The following SND1 variants were observed in gnomAD, a reference collection of about 807,000 sequenced individuals.
The protein encoded by SND1 is staphylococcal nuclease domain-containing protein 1.
In SND1, 38 loss-of-function variants were observed where a neutral mutation model predicts 121.7. The observed-to-expected ratio is 0.31, with a 90% CI of 0.24 to 0.41. The LOEUF is 0.41. Among genes scored for constraint, SND1 ranks in the 10% least tolerant of loss-of-function variants. The pLI, the probability that SND1 is intolerant of heterozygous loss-of-function variation, is 1.00. For missense variants in SND1, 868 were observed against 1,184.6 expected (o/e 0.73, Z 3.92); for synonymous variants, 401 against 447.4 (o/e 0.90, Z 1.31).
intron 16 of SND1, among the ~76,000 whole-genome samples, chr7:128,020,634 A>G (rs1157775990): frequency 1.3e-5 from 2 of 152,222 alleles, no homozygotes; most frequent in Admixed American, 6.5e-5. Flanking sequence ...TGTCATCCCC[A>G]GGTCGGCCAG....
chr7:127,863,843 A>T (rs1304647488), intron 12 of SND1, among the ~76,000 whole-genome samples: 2 of 152,244 alleles, frequency 1.3e-5, no homozygotes, highest in African/African-American at 4.8e-5. Flanking sequence ...ATGTGCAAGC[A>T]AATGGGTGTG....
Position 127,670,438 on chromosome 7 carries a change from A to G in SND1, c.79-16175A>G, listed in dbSNP as rs149145756. On this transcript the variant is annotated intron_variant, in intron 1 of 23. Coordinates refer to ENST00000354725, the MANE Select transcript of SND1 (RefSeq NM_014390.4). ...TGGTTCTCAGGCATTGTTTTTGATAATACGATTCTTTTTTGAAAATAAAGA... is the reference window on the plus strand; with the variant it reads ...TGGTTCTCAGGCATTGTTTTTGATAGTACGATTCTTTTTTGAAAATAAAGA... Among the ~76,000 whole-genome samples, 902 of 152,228 alleles carry G rather than the reference A, an allele frequency of 5.9e-3. 10 individuals carry two copies. The highest frequency in any genetic ancestry group is 0.021 in the African/African-American group (856 of 41,538).
At chr7:127,866,220 C>T (rs911419554) in intron 12 of SND1, among the ~76,000 whole-genome samples, 3 of 152,186 alleles carry the variant, frequency 2.0e-5, no homozygotes, top group Non-Finnish European at 4.4e-5. Flanking sequence ...GAAGAGCTGT[C>T]CAGGTTGATT....
At chr7:128,001,263 A>G (rs892757180) in intron 16 of SND1, among the ~76,000 whole-genome samples, 5 of 152,244 alleles carry the variant, frequency 3.3e-5, no homozygotes, top group Non-Finnish European at 7.3e-5. Context: ...TGAGAAAGGA[A>G]TAGCTCATTC....
intron 13 of SND1, among the ~76,000 whole-genome samples, chr7:127,899,665 G>C (rs1800187960): frequency 6.6e-6 from 1 of 152,152 alleles, no homozygotes; most frequent in East Asian, 1.9e-4. Context: ...AAGTAGGGGA[G>C]GAAAATGATG....
intron 16 of SND1, among the ~76,000 whole-genome samples, chr7:128,063,522 C>T (rs1324040598): frequency 1.3e-5 from 2 of 152,196 alleles, no homozygotes; most frequent in Non-Finnish European, 2.9e-5. Context: ...TGGTGCCATG[C>T]ATGTACCCAA....
At chr7:127,696,767 A>G (rs777096399) in intron 3 of SND1, among the ~76,000 whole-genome samples, 2 of 152,204 alleles carry the variant, frequency 1.3e-5, no homozygotes, top group Non-Finnish European at 2.9e-5. Context: ...GTTTTTTAAA[A>G]GTTTACTTTT....
intron 16 of SND1, among the ~76,000 whole-genome samples, chr7:128,058,824 G>A (rs560934870): frequency 4.0e-5 from 6 of 151,830 alleles, no homozygotes; most frequent in Admixed American, 2.0e-4. Context: ...CTCTCGTTCC[G>A]TCCCTCCTTC....
At chr7:127,919,036 T>C (rs1006156984) in intron 14 of SND1, among the ~76,000 whole-genome samples, 13 of 152,222 alleles carry the variant, frequency 8.5e-5, no homozygotes, top group African/African-American at 3.1e-4. Context: ...TAATTATCTA[T>C]TTTTATTAAT....
At chr7:127,662,558 T>C (rs915176580) in intron 1 of SND1, among the ~76,000 whole-genome samples, 10 of 152,206 alleles carry the variant, frequency 6.6e-5, no homozygotes, top group Non-Finnish European at 8.8e-5. Flanking sequence ...TTGTTTTTGG[T>C]GGTGGTTGGG....
chr7:127,790,693 A>G (rs1055291462), intron 10 of SND1, among the ~76,000 whole-genome samples: 7 of 152,210 alleles, frequency 4.6e-5, no homozygotes, highest in African/African-American at 1.7e-4. Flanking sequence ...AATCACCTGT[A>G]GGATTACAGA....
At chr7:128,077,783 C>G (rs1001836422) in intron 17 of SND1, among the ~76,000 whole-genome samples, 7 of 152,246 alleles carry the variant, frequency 4.6e-5, no homozygotes, top group African/African-American at 1.7e-4. Flanking sequence ...CTGGGCCCTG[C>G]TGCTTAGGTC....
At chr7:127,711,496 A>T (rs1221658077) in intron 9 of SND1, among the ~76,000 whole-genome samples, 1 of 151,982 alleles carries the variant, frequency 6.6e-6, no homozygotes, top group Non-Finnish European at 1.5e-5. Flanking sequence ...CTGATTTCTT[A>T]TCCTTATATA....
intron 12 of SND1, among the ~76,000 whole-genome samples, chr7:127,887,243 C>T (rs1054636072): frequency 3.3e-5 from 5 of 152,084 alleles, no homozygotes; most frequent in African/African-American, 7.2e-5. Flanking sequence ...GTGATCCCAG[C>T]GCCCGGGCCT....
rs1403053389 is a variant in SND1, at chr7:128,089,556, A to G, written c.2486A>G (p.Asn829Ser). Residue 829 changes from asparagine to serine, a missense_variant, in exon 22 of 24, where the codon AAC becomes AGC. Asn to Ser is a conservative substitution (Grantham distance 46). Transcript: ENST00000354725. Reference sequence around the variant, plus strand: ...ATCCAGAACACTCAGTGCCTGCTCAACGTGGAACACCTGAGTGCCGGCTGC... The same window carrying G: ...ATCCAGAACACTCAGTGCCTGCTCAGCGTGGAACACCTGAGTGCCGGCTGC... The part of the protein sequence containing the change: ...RDIQNTQCLL[N>S]VEHLSAGCPH... The G allele has an allele frequency of 1.9e-6, 3 of 1,614,234 alleles. No homozygotes were observed. Among genetic ancestry groups the G allele is most frequent in the Non-Finnish European group, 8.5e-7 (1 of 1,180,046 alleles).
At chr7:128,083,638 A>G (rs964864101) in intron 18 of SND1, among the ~76,000 whole-genome samples, 1 of 152,248 alleles carries the variant, frequency 6.6e-6, no homozygotes, top group Non-Finnish European at 1.5e-5. Flanking sequence ...AGGAGCTCAC[A>G]GTATAGTAGC....
intron 16 of SND1, among the ~76,000 whole-genome samples, chr7:128,036,788 T>G (rs1324172669): frequency 6.6e-6 from 1 of 152,222 alleles, no homozygotes; most frequent in Non-Finnish European, 1.5e-5. Context: ...ACTTACATGT[T>G]CAAATTGAAA....
intron 15 of SND1, among the ~76,000 whole-genome samples, chr7:127,930,454 A>G (rs1254470274): frequency 6.6e-6 from 1 of 152,124 alleles, no homozygotes; most frequent in Non-Finnish European, 1.5e-5. Flanking sequence ...CCCTGAACAC[A>G]TGACCATGGA....
intron 16 of SND1, chr7:127,999,948 G>A (rs1802780709): frequency 6.6e-6 from 1 of 152,080 alleles, no homozygotes; most frequent in Admixed American, 6.5e-5. Context: ...TAGGGTTTGT[G>A]CTAGGAGAGC....
Sources: gnomAD v4.1 joint callset for allele counts (sites outside exome capture counted in the v4.1 genomes callset) on GRCh38, gnomAD v4.1.1 for gene constraint, MANE v1.5 for transcripts, NCBI Gene and HGNC (gene_info 2026-07-23, HGNC 2026-07-21) for gene names.